Variants in PDSS2 observed in about 807,000 individuals in gnomAD.
The protein encoded by PDSS2 is all trans-polyprenyl-diphosphate synthase PDSS2.
A neutral mutation model predicts 44.5 loss-of-function variants in PDSS2; 31 were observed. That is an observed-to-expected ratio of 0.70 (90% CI 0.52 to 0.94). The LOEUF (loss-of-function observed/expected upper bound fraction) is 0.94, where lower values mean the gene tolerates loss of function less well. Ranked by LOEUF, PDSS2 falls within the 40% of genes least tolerant of loss-of-function variation. PDSS2 has a pLI of 0.00. For missense variants in PDSS2, 452 were observed against 482.2 expected (o/e 0.94, Z 0.59); for synonymous variants, 157 against 180.3 (o/e 0.87, Z 1.03).
chr6:107,225,164 T>TATATATATATATATATATATA, intron 4 of PDSS2, among the ~76,000 whole-genome samples: 1 of 42,950 alleles, frequency 2.3e-5, no homozygotes, highest in South Asian at 7.1e-4. Context: ...TATATATATT[T>TATATATATATATATATATATA]TTTTTTTTTT....
At chr6:107,452,382 A>G (rs1781897820) in intron 1 of PDSS2, among the ~76,000 whole-genome samples, 1 of 151,606 alleles carries the variant, frequency 6.6e-6, no homozygotes, top group Admixed American at 6.6e-5. Flanking sequence ...ACAGGCACCC[A>G]CCACCACACC....
At chr6:107,368,882 G>C (rs748759289) in intron 1 of PDSS2, among the ~76,000 whole-genome samples, 21 of 152,112 alleles carry the variant, frequency 1.4e-4, no homozygotes, top group Non-Finnish European at 2.8e-4. Flanking sequence ...TGAAAACAAA[G>C]AACAAAATTA....
intron 1 of PDSS2, among the ~76,000 whole-genome samples, chr6:107,347,064 T>C (rs1474947321): frequency 6.6e-6 from 1 of 151,952 alleles, no homozygotes; most frequent in East Asian, 1.9e-4. Context: ...GCTGTCCAGG[T>C]TAAAACAAAA....
chr6:107,411,394 C>T (rs1358672477), intron 1 of PDSS2, among the ~76,000 whole-genome samples: 1 of 152,184 alleles, frequency 6.6e-6, no homozygotes, highest in African/African-American at 2.4e-5. Context: ...AAATGAGTTA[C>T]CAAACTTTTG....
At chr6:107,224,094 C>T (rs984894595) in intron 4 of PDSS2, among the ~76,000 whole-genome samples, 4 of 151,204 alleles carry the variant, frequency 2.6e-5, no homozygotes, top group Admixed American at 1.3e-4. Flanking sequence ...CATCCCGAAA[C>T]CATCCCCATG....
At position 107,427,952 on chromosome 6, in the gene PDSS2, G is replaced by A. The variant is rs190519394; in HGVS notation, c.296+31038C>T. Among the ~76,000 whole-genome samples the A allele has an allele frequency of 7.7e-4, 118 of 152,268 alleles. 1 individual carries two copies. The highest frequency in any genetic ancestry group is 2.6e-3 in the African/African-American group (110 of 41,544). On this transcript the variant is annotated intron_variant, in intron 1 of 7. Transcript: ENST00000369037. ...TTAGAGACAGCTGTTTCTGAGAGAGGAACAAATTTTGGATTGACAAATTTC... is the reference window on the plus strand; with the variant it reads ...TTAGAGACAGCTGTTTCTGAGAGAGAAACAAATTTTGGATTGACAAATTTC...
intron 7 of PDSS2, among the ~76,000 whole-genome samples, chr6:107,162,079 G>T (rs1360405127): frequency 6.6e-6 from 1 of 152,132 alleles, no homozygotes; most frequent in Non-Finnish European, 1.5e-5. Context: ...GTTAGGACTT[G>T]GTTTGGGCAC....
chr6:107,292,970 C>T (rs1334783176), intron 2 of PDSS2, among the ~76,000 whole-genome samples: 2 of 152,160 alleles, frequency 1.3e-5, no homozygotes, highest in Non-Finnish European at 2.9e-5. Flanking sequence ...CATCTGGGTG[C>T]GGCGGCTGTC....
chr6:107,353,327 T>C (rs1778489898), intron 1 of PDSS2, among the ~76,000 whole-genome samples: 1 of 152,198 alleles, frequency 6.6e-6, no homozygotes, highest in Admixed American at 6.5e-5. Flanking sequence ...ATATTTTACT[T>C]CTTTCTTCCC....
At chr6:107,378,589 C>T (rs1413929837) in intron 1 of PDSS2, among the ~76,000 whole-genome samples, 1 of 152,062 alleles carries the variant, frequency 6.6e-6, no homozygotes, top group African/African-American at 2.4e-5. Context: ...AGTTCAAGAC[C>T]AGCTGGGCCA....
rs546482228 is a variant in PDSS2 at position 107,336,749 on chromosome 6, C to G, written c.297-2417G>C. Among the ~76,000 whole-genome samples, 3 of 149,266 alleles carry G rather than the reference C, an allele frequency of 2.0e-5. No individual in the cohort carries two copies. In the Admixed American group the frequency reaches 2.0e-4, roughly 10 times the overall value. ...GTATTACCTATAGTGAATCTTTATT[C>G]TTCCTTTCTTTTATAATAAAGAGAA... On this transcript the variant is annotated intron_variant, in intron 1 of 7. Coordinates refer to ENST00000369037, the MANE Select transcript of PDSS2 (RefSeq NM_020381.4).
At chr6:107,433,470 T>C (rs1053133907) in intron 1 of PDSS2, among the ~76,000 whole-genome samples, 4 of 152,158 alleles carry the variant, frequency 2.6e-5, no homozygotes, top group Non-Finnish European at 4.4e-5. Context: ...TTCATACATC[T>C]ACAGTGAACT....
At chr6:107,177,277 T>C (rs1190661006) in intron 7 of PDSS2, among the ~76,000 whole-genome samples, 2 of 151,978 alleles carry the variant, frequency 1.3e-5, no homozygotes, top group South Asian at 2.1e-4. Flanking sequence ...ATTACAGGCA[T>C]GTGCCACTGT....
chr6:107,425,599 G>A (rs898153292), intron 1 of PDSS2, among the ~76,000 whole-genome samples: 1 of 152,200 alleles, frequency 6.6e-6, no homozygotes, highest in Non-Finnish European at 1.5e-5. Context: ...TGACTTGGGT[G>A]CTGTTAAACG....
chr6:107,435,097 C>T (rs1781308305), intron 1 of PDSS2, among the ~76,000 whole-genome samples: 1 of 151,866 alleles, frequency 6.6e-6, no homozygotes, highest in Non-Finnish European at 1.5e-5. Context: ...GGCAACACAG[C>T]AAGATCTCAT....
At chr6:107,344,499 T>C (rs1463239989) in intron 1 of PDSS2, among the ~76,000 whole-genome samples, 3 of 152,172 alleles carry the variant, frequency 2.0e-5, no homozygotes, top group Non-Finnish European at 4.4e-5. Context: ...GTCATTGATA[T>C]GGCTCGAGGG....
At chr6:107,182,583 C>T (rs890421578) in intron 7 of PDSS2, among the ~76,000 whole-genome samples, 2 of 152,122 alleles carry the variant, frequency 1.3e-5, no homozygotes, top group Non-Finnish European at 2.9e-5. Flanking sequence ...CCTTGGTTTC[C>T]CAAAGTGCTG....
intron 7 of PDSS2, among the ~76,000 whole-genome samples, chr6:107,162,510 AAAAAAAG>A (rs1771177092): frequency 6.8e-6 from 1 of 148,136 alleles, no homozygotes; most frequent in Non-Finnish European, 1.5e-5. Flanking sequence ...AAAAAAAAAA[AAAAAAAG>A]GAGAGAGCAT....
At chr6:107,398,784 C>A (rs534564390) in intron 1 of PDSS2, among the ~76,000 whole-genome samples, 50 of 152,324 alleles carry the variant, frequency 3.3e-4, no homozygotes, top group Admixed American at 2.4e-3. Context: ...CGTGGGCTCC[C>A]CCACCTGGAC....
Sources: gnomAD v4.1 joint callset for allele counts (sites outside exome capture counted in the v4.1 genomes callset) on GRCh38, gnomAD v4.1.1 for gene constraint, MANE v1.5 for transcripts, NCBI Gene and HGNC (gene_info 2026-07-23, HGNC 2026-07-21) for gene names.